MAST4: variants seen among roughly 807,000 people sequenced by gnomAD.
MAST4 encodes microtubule associated serine/threonine kinase family member 4, also known as microtubule-associated serine/threonine-protein kinase 4.
In MAST4, 89 loss-of-function variants were observed where a neutral mutation model predicts 162.7. The ratio of observed to expected loss-of-function variants is 0.55; its 90% confidence interval spans 0.46 to 0.65. The LOEUF (loss-of-function observed/expected upper bound fraction) is 0.65. Ranked by LOEUF, MAST4 falls within the 30% of genes least tolerant of loss-of-function variation. The probability of loss-of-function intolerance (pLI) is 0.00; values close to 1 mark genes in which losing one functional copy is unlikely to be tolerated. For synonymous variants in MAST4, 1,479 were observed against 1,361.1 expected, an observed-to-expected ratio of 1.09 and a Z score of -1.91; for missense variants, 3,153 against 3,374.0, an observed-to-expected ratio of 0.93 and a Z score of 1.62.
intron 4 of MAST4, among the ~76,000 whole-genome samples, chr5:66,998,212 C>T (rs1292439173): frequency 2.0e-5 from 3 of 152,326 alleles, no homozygotes; most frequent in African/African-American, 4.8e-5. Flanking sequence ...CTTATAATTG[C>T]ACTATAATTC....
intron 1 of MAST4, among the ~76,000 whole-genome samples, chr5:66,673,796 A>AT (rs1312222239): frequency 2.6e-5 from 4 of 151,954 alleles, no homozygotes; most frequent in South Asian, 2.1e-4. Flanking sequence ...CCTAGGCTAG[A>AT]TTTTTTTTGA....
chr5:67,008,979 C>A (rs1413598981), intron 4 of MAST4, among the ~76,000 whole-genome samples: 17 of 152,084 alleles, frequency 1.1e-4, no homozygotes, highest in Non-Finnish European at 8.8e-5. Flanking sequence ...AATCCTCTTC[C>A]CTCTTGCCCT....
chr5:66,806,162 G>T (rs1164058035), intron 3 of MAST4, among the ~76,000 whole-genome samples: 1 of 152,142 alleles, frequency 6.6e-6, no homozygotes, highest in East Asian at 1.9e-4. Flanking sequence ...CTGATGAGAA[G>T]GATGTGCTCA....
intron 3 of MAST4, among the ~76,000 whole-genome samples, chr5:66,890,739 G>A (rs1039732397): frequency 3.3e-5 from 5 of 152,162 alleles, no homozygotes; most frequent in Non-Finnish European, 5.9e-5. Context: ...ATTACTTGGT[G>A]ATGAAAAATA....
intron 4 of MAST4, among the ~76,000 whole-genome samples, chr5:66,904,010 A>G (rs1383555825): frequency 6.6e-6 from 1 of 152,204 alleles, no homozygotes; most frequent in Non-Finnish European, 1.5e-5. Flanking sequence ...AACCTTCTGC[A>G]TGTTGTTTGA....
At chr5:66,624,446 C>T (rs572436499) in intron 1 of MAST4, among the ~76,000 whole-genome samples, 22 of 152,116 alleles carry the variant, frequency 1.4e-4, no homozygotes, top group African/African-American at 5.3e-4. Flanking sequence ...AGCCACAGCG[C>T]CCGGCCTGTT....
intron 4 of MAST4, among the ~76,000 whole-genome samples, chr5:67,006,520 T>A (rs57349760): frequency 0.028 from 4,300 of 152,302 alleles, 186 homozygotes; most frequent in African/African-American, 0.086. Flanking sequence ...CCATTTCAGC[T>A]GGACAGAATC....
At chr5:66,736,470 A>G (rs934261529) in intron 1 of MAST4, among the ~76,000 whole-genome samples, 2 of 152,190 alleles carry the variant, frequency 1.3e-5, no homozygotes, top group African/African-American at 4.8e-5. Context: ...CAAATTACCC[A>G]GAGAATGAAA....
chr5:67,133,442 G>T, intron 16 of MAST4, 72 bp from the exon 17 acceptor site: 2 of 1,520,374 alleles, frequency 1.3e-6, no homozygotes, highest in Admixed American at 1.8e-5. Flanking sequence ...ACTGAGGGGG[G>T]AAGGGAGGAA....
At chr5:66,646,104 G>A (rs1580090632) in intron 1 of MAST4, among the ~76,000 whole-genome samples, 1 of 152,232 alleles carries the variant, frequency 6.6e-6, no homozygotes, top group East Asian at 1.9e-4. Context: ...AGATATTTTT[G>A]TAGTCGAATT....
intron 2 of MAST4, among the ~76,000 whole-genome samples, chr5:66,762,634 T>C (rs1753905451): frequency 6.6e-6 from 1 of 152,240 alleles, no homozygotes; most frequent in African/African-American, 2.4e-5. Flanking sequence ...GGTAACCAAA[T>C]AATCACATGT....
intron 4 of MAST4, among the ~76,000 whole-genome samples, chr5:66,939,978 G>A (rs985601741): frequency 1.6e-4 from 25 of 152,036 alleles, no homozygotes; most frequent in African/African-American, 6.0e-4. Flanking sequence ...AGGGCAGGAG[G>A]ATGCCTTGAT....
At chr5:67,095,982 A>G (rs1408045399) in intron 7 of MAST4, among the ~76,000 whole-genome samples, 1 of 152,032 alleles carries the variant, frequency 6.6e-6, no homozygotes, top group East Asian at 1.9e-4. Flanking sequence ...ATCTAGTTTT[A>G]TTGCTTTGGT....
intron 19 of MAST4, among the ~76,000 whole-genome samples, chr5:67,137,708 G>T (rs1180470139): frequency 6.6e-6 from 1 of 152,162 alleles, no homozygotes; most frequent in East Asian, 1.9e-4. Flanking sequence ...TACAGCAAGG[G>T]TCAGCAAGCT....
chr5:66,657,546 A>G (rs1036940984), intron 1 of MAST4, among the ~76,000 whole-genome samples: 1 of 152,196 alleles, frequency 6.6e-6, no homozygotes, highest in African/African-American at 2.4e-5. Flanking sequence ...CATTTTACAA[A>G]TGAAGGTAAA....
intron 2 of MAST4, among the ~76,000 whole-genome samples, chr5:66,778,866 G>A (rs933399615): frequency 6.6e-6 from 1 of 152,198 alleles, no homozygotes; most frequent in African/African-American, 2.4e-5. Flanking sequence ...TTGTAGACAT[G>A]TATGTTCTGT....
chr5:67,043,819 CTT>C (rs1189369350), intron 4 of MAST4, among the ~76,000 whole-genome samples: 4 of 152,164 alleles, frequency 2.6e-5, no homozygotes, highest in African/African-American at 7.2e-5. Context: ...TTTTGTGTAT[CTT>C]TTCTTAATTC....
intron 4 of MAST4, among the ~76,000 whole-genome samples, chr5:67,017,875 G>A (rs1270213456): frequency 6.6e-6 from 1 of 152,030 alleles, no homozygotes; most frequent in African/African-American, 2.4e-5. Flanking sequence ...GGGATTGCAG[G>A]CGTGAACCAC....
Position 67,136,601 on chromosome 5 carries a change from C to A in MAST4, c.2431C>A (p.Pro811Thr). 6.2e-7 allele frequency: 1 copy of A among 1,607,232 alleles called. No individual in the cohort carries two copies. Among genetic ancestry groups the A allele is most frequent in the Non-Finnish European group, 8.5e-7 (1 of 1,176,822 alleles). ...NWPEKDEAPP[P>T]DAQDLITLLL... ...GCCTGAGAAGGATGAGGCACCCCCA[C>A]CTGATGCCCAGGATCTGATTACCTT... Residue 811 changes from proline (P) to threonine (T), a missense_variant, in exon 19 of 29, where the codon CCT becomes ACT. Pro to Thr is a conservative substitution (Grantham distance 38, BLOSUM62 -1). Around this residue, in one of 7 missense-constraint regions of MAST4, gnomAD observed 62 missense variants for 63.1 expected, o/e 0.98. Coordinates refer to ENST00000403625, the MANE Select transcript of MAST4 (RefSeq NM_001164664.2).
Sources: allele counts gnomAD v4.1 joint callset (sites outside exome capture counted in the v4.1 genomes callset), GRCh38; gene constraint gnomAD v4.1.1; regional missense constraint gnomAD v4.1.1; transcripts MANE v1.5; gene names NCBI Gene and HGNC (gene_info 2026-07-23, HGNC 2026-07-21).